The following KIAA0586 variants were observed in gnomAD, a reference collection of about 807,000 sequenced individuals.
KIAA0586 encodes the protein protein TALPID3.
A neutral mutation model predicts 169.8 loss-of-function variants in KIAA0586; 144 were observed. The observed-to-expected ratio is 0.85, with a 90% CI of 0.74 to 0.97. KIAA0586 has a LOEUF of 0.97. Among genes scored for constraint, KIAA0586 ranks in the 50% least tolerant of loss-of-function variants. KIAA0586 has a pLI of 0.00. For synonymous variants in KIAA0586, 625 were observed against 612.4 expected (o/e 1.02, Z -0.30); for missense variants, 1,854 against 1,823.0 (o/e 1.02, Z -0.31).
chr14:58,491,406 A>G (rs2042825921), intron 25 of KIAA0586, among the ~76,000 whole-genome samples: 2 of 152,244 alleles, frequency 1.3e-5, no homozygotes, highest in Admixed American at 6.5e-5. Flanking sequence ...TTATCTATAC[A>G]TAGCTAGGGG....
chr14:58,510,715 A>G (rs1214569469), intron 28 of KIAA0586, among the ~76,000 whole-genome samples: 1 of 152,210 alleles, frequency 6.6e-6, no homozygotes, highest in East Asian at 1.9e-4. Flanking sequence ...AAAAACTGAA[A>G]ACAACACAAA....
intron 23 of KIAA0586, among the ~76,000 whole-genome samples, 166 bp from the exon 24 acceptor site, chr14:58,488,455 A>G (rs1336945500): frequency 6.6e-6 from 1 of 152,208 alleles, no homozygotes; most frequent in Non-Finnish European, 1.5e-5. Flanking sequence ...ATGGCCTATG[A>G]TTAAAGCATG....
At chr14:58,432,690 A>C (rs915100175) in intron 4 of KIAA0586, among the ~76,000 whole-genome samples, 2 of 152,204 alleles carry the variant, frequency 1.3e-5, no homozygotes, top group African/African-American at 4.8e-5. Flanking sequence ...TAGATTTACT[A>C]TCCCAATTTT....
At position 58,429,361 on chromosome 14, in the gene KIAA0586, A is replaced by T. The variant is rs765227931; in HGVS notation, c.200-2A>T. 1.0e-5 allele frequency: 16 copies of T among 1,560,428 alleles called. No individual in the cohort carries two copies. In the South Asian group the frequency reaches 1.8e-4, roughly 17 times the overall value. On this transcript the variant is annotated splice_acceptor_variant, in intron 1 of 30. Transcript: ENST00000652326. LOFTEE classifies it high-confidence loss of function. ...CTAAAATCTATTCCTTTGTTTTGTT[A>T]GGTTCATCAGACTTAACTTCTGCTA... is the stretch of plus-strand genomic sequence containing the variant.
chr14:58,538,149 C>A (rs933855836), intron 29 of KIAA0586, among the ~76,000 whole-genome samples: 1 of 151,894 alleles, frequency 6.6e-6, no homozygotes, highest in African/African-American at 2.4e-5. Context: ...GAATGAGACC[C>A]CATTTCTTTA....
rs147119902 is a variant in KIAA0586, at chr14:58,429,365, T to A, written c.202T>A (p.Ser68Thr). ...AATCTATTCCTTTGTTTTGTTAGGTTCATCAGACTTAACTTCTGCTAGAAA... is the reference window on the plus strand; with the variant it reads ...AATCTATTCCTTTGTTTTGTTAGGTACATCAGACTTAACTTCTGCTAGAAA... ...GTSLNGTSRG[S>T]SDLTSARNCY... The change falls in exon 2 of 31, where the codon TCA becomes ACA. Residue 68 changes from serine (S) to threonine (T), a missense_variant and splice_region_variant. Physicochemically the swap from Ser to Thr is moderately conservative, Grantham distance 58. Transcript: ENST00000652326. 1,400 of 1,575,674 alleles carry A rather than the reference T, an allele frequency of 8.9e-4. 12 individuals are homozygous for A. In the East Asian group the frequency reaches 0.011, roughly 13 times the overall value.
upstream of KIAA0586, chr14:58,427,515 C>T (rs2036914794): frequency 1.4e-6 from 2 of 1,409,414 alleles, no homozygotes; most frequent in African/African-American, 1.4e-5. Flanking sequence ...CGGTCTTGTG[C>T]GGCAATGTGC....
At chr14:58,496,533 A>C (rs1343573074) in intron 26 of KIAA0586, among the ~76,000 whole-genome samples, 2 of 152,200 alleles carry the variant, frequency 1.3e-5, no homozygotes. Context: ...TTAATTATGA[A>C]CAGTATTTTT....
At chr14:58,540,850 G>A (rs2140103067) in intron 30 of KIAA0586, among the ~76,000 whole-genome samples, 1 of 152,314 alleles carries the variant, frequency 6.6e-6, no homozygotes, top group South Asian at 2.1e-4. Flanking sequence ...CAAATGATGA[G>A]GCACCTTCTT....
At chr14:58,442,564 G>T in intron 4 of KIAA0586, 142 bp from the exon 5 acceptor site, 3 of 575,094 alleles carry the variant, frequency 5.2e-6, no homozygotes, top group Non-Finnish European at 9.1e-6. Flanking sequence ...GATAAATTTT[G>T]TTAACCAAAT....
At chr14:58,538,281 T>TAA (rs1830469951) in intron 29 of KIAA0586, among the ~76,000 whole-genome samples, 2 of 152,242 alleles carry the variant, frequency 1.3e-5, no homozygotes, top group Non-Finnish European at 2.9e-5. Context: ...TTAAATTTTC[T>TAA]ACAGTATAAC....
intron 10 of KIAA0586, among the ~76,000 whole-genome samples, chr14:58,457,179 G>T (rs568548337): frequency 6.6e-6 from 1 of 152,300 alleles, no homozygotes; most frequent in South Asian, 2.1e-4. Flanking sequence ...GCTTTCTTCA[G>T]CAGAGAGAGA....
At position 58,444,004 on chromosome 14, in the gene KIAA0586, T is replaced by C; in HGVS notation, c.636T>C (p.Ser212=). 6.2e-7 allele frequency: 1 copy of C among 1,611,612 alleles called. No homozygotes were observed. Among genetic ancestry groups the C allele is most frequent in the East Asian group, 2.2e-5 (1 of 44,828 alleles). The change falls in exon 6 of 31, where the codon AGT becomes AGC. Residue 212 remains serine, a synonymous_variant. Coordinates refer to ENST00000652326, the MANE Select transcript of KIAA0586 (RefSeq NM_001329943.3). The part of the protein sequence containing the change: ...AKVNSVTELL[S]KLQETDKHLQ... ...TCAATTCTGTTACAGAATTACTTAG[T>C]AAATTACAGGAGACTGATAAACACC...
chr14:58,445,387 G>C (rs2038787306), intron 6 of KIAA0586, among the ~76,000 whole-genome samples: 1 of 151,806 alleles, frequency 6.6e-6, no homozygotes, highest in Non-Finnish European at 1.5e-5. Context: ...CTCACAAGGA[G>C]CTGTAGCATA....
the KIAA0586 span, among the ~76,000 whole-genome samples, chr14:58,560,012 A>G: frequency 1.3e-5 from 2 of 152,084 alleles, no homozygotes; most frequent in African/African-American, 4.8e-5. Flanking sequence ...TTAGCTGAGC[A>G]TGATGGCACG....
intron 29 of KIAA0586, among the ~76,000 whole-genome samples, chr14:58,529,046 A>G (rs1210345008): frequency 3.9e-5 from 6 of 152,324 alleles, no homozygotes; most frequent in Non-Finnish European, 5.9e-5. Context: ...TCACAAAAAT[A>G]CAAACCACCA....
intron 4 of KIAA0586, among the ~76,000 whole-genome samples, chr14:58,433,833 T>C (rs909120808): frequency 2.0e-5 from 3 of 152,104 alleles, no homozygotes; most frequent in African/African-American, 7.2e-5. Context: ...CTGGGCAATA[T>C]AGCTAATTTT....
chr14:58,472,800 C>T (rs180952951), intron 18 of KIAA0586, among the ~76,000 whole-genome samples: 3 of 150,574 alleles, frequency 2.0e-5, no homozygotes, highest in Non-Finnish European at 4.4e-5. Flanking sequence ...ACTACTTGAC[C>T]ATTATGTCAT....
intron 7 of KIAA0586, among the ~76,000 whole-genome samples, chr14:58,449,335 T>G (rs1566805726): frequency 6.6e-6 from 1 of 152,152 alleles, no homozygotes; most frequent in Non-Finnish European, 1.5e-5. Context: ...GAGACCAACC[T>G]GGGACATATA....
Sources: gnomAD v4.1 joint callset for allele counts (sites outside exome capture counted in the v4.1 genomes callset) on GRCh38, gnomAD v4.1.1 for gene constraint, MANE v1.5 for transcripts, NCBI Gene and HGNC (gene_info 2026-07-23, HGNC 2026-07-21) for gene names.